The following CDH13 variants were observed in gnomAD, a reference collection of about 807,000 sequenced individuals.
CDH13 encodes the protein cadherin-13.
In CDH13, 24 loss-of-function variants were observed where a neutral mutation model predicts 63.8. That is an observed-to-expected ratio of 0.38 (90% CI 0.27 to 0.53). The LOEUF (loss-of-function observed/expected upper bound fraction) is 0.53, where lower values mean the gene tolerates loss of function less well. Ranked by LOEUF, CDH13 falls within the 20% of genes least tolerant of loss-of-function variation. CDH13 has a pLI of 0.85. For missense variants in CDH13, 1,049 were observed against 903.1 expected (o/e 1.16, Z -2.07); for synonymous variants, 503 against 355.3 (o/e 1.42, Z -4.67).
intron 5 of CDH13, among the ~76,000 whole-genome samples, chr16:83,232,545 C>CAAAA (rs371820662): frequency 0.012 from 1,250 of 107,534 alleles, 28 homozygotes; most frequent in African/African-American, 0.044. Flanking sequence ...ACAACAACAA[C>CAAAA]AAACAAACAA....
At chr16:83,200,066 A>C (rs1481861693) in intron 4 of CDH13, among the ~76,000 whole-genome samples, 2 of 152,178 alleles carry the variant, frequency 1.3e-5, no homozygotes, top group Admixed American at 6.5e-5. Flanking sequence ...ACAGCGCCTC[A>C]TTCCTTACCT....
At chr16:83,000,734 C>A (rs2151422553) in intron 2 of CDH13, among the ~76,000 whole-genome samples, 1 of 152,114 alleles carries the variant, frequency 6.6e-6, no homozygotes, top group East Asian at 1.9e-4. Context: ...TACCCGCCAC[C>A]ATGCCCGGCT....
intron 8 of CDH13, among the ~76,000 whole-genome samples, chr16:83,619,514 A>G (rs768517773): frequency 1.3e-5 from 2 of 152,248 alleles, no homozygotes; most frequent in Non-Finnish European, 2.9e-5. Flanking sequence ...AGAGCAAGGC[A>G]CTGGCAGGGT....
At chr16:83,530,214 A>G (rs552050190) in intron 7 of CDH13, among the ~76,000 whole-genome samples, 6 of 152,330 alleles carry the variant, frequency 3.9e-5, no homozygotes, top group African/African-American at 1.2e-4. Flanking sequence ...AATGCTTTCA[A>G]TTAAAGCTTA....
intron 1 of CDH13, among the ~76,000 whole-genome samples, chr16:82,685,070 T>G (rs886909316): frequency 6.6e-6 from 1 of 152,166 alleles, no homozygotes; most frequent in Non-Finnish European, 1.5e-5. Context: ...AATAACTCAG[T>G]GCGCAGACAT....
chr16:83,052,921 G>T (rs571866296), intron 3 of CDH13, among the ~76,000 whole-genome samples: 1 of 152,050 alleles, frequency 6.6e-6, no homozygotes, highest in Non-Finnish European at 1.5e-5. Context: ...TACAGATTGG[G>T]CCAAAGCCTA....
At chr16:83,710,257 G>A (rs1907816534) in intron 10 of CDH13, 1 of 152,134 alleles carries the variant, frequency 6.6e-6, no homozygotes. Context: ...AGAAATCCTG[G>A]GCTGGAACAA....
At chr16:82,634,326 GGAA>G (rs1411848488) in intron 1 of CDH13, among the ~76,000 whole-genome samples, 3 of 152,224 alleles carry the variant, frequency 2.0e-5, no homozygotes, top group Non-Finnish European at 4.4e-5. Flanking sequence ...GTGTGCTGCA[GGAA>G]GAAGGTGGTG....
chr16:82,792,914 C>T (rs573045942), intron 1 of CDH13, among the ~76,000 whole-genome samples: 3 of 139,344 alleles, frequency 2.2e-5, no homozygotes, highest in East Asian at 4.0e-4. Flanking sequence ...CCCAAAGGCA[C>T]CCATGGGCTT....
intron 4 of CDH13, among the ~76,000 whole-genome samples, chr16:83,191,049 T>C (rs1229478734): frequency 2.6e-5 from 4 of 151,742 alleles, no homozygotes; most frequent in Non-Finnish European, 5.9e-5. Flanking sequence ...ATGTAGTGAT[T>C]CCGAGCAAAG....
rs112781895 is a variant in CDH13 at position 82,985,158 on chromosome 16, C to T, written c.158-46852C>T. 2.0e-5 allele frequency among the ~76,000 whole-genome samples: 3 copies of T among 151,500 alleles called. No homozygotes were observed. The South Asian group carries it at 6.2e-4, about 31-fold the overall frequency. ...TTGAAAAGGAATCCTTACAGAAATACATTACTTTAATCCTAATGTATTTTG... is the reference window on the plus strand; with the variant it reads ...TTGAAAAGGAATCCTTACAGAAATATATTACTTTAATCCTAATGTATTTTG... On this transcript the variant is annotated intron_variant, in intron 2 of 13. Transcript: ENST00000567109.
chr16:83,730,328 A>G (rs1316875584), intron 10 of CDH13, among the ~76,000 whole-genome samples: 1 of 152,212 alleles, frequency 6.6e-6, no homozygotes, highest in African/African-American at 2.4e-5. Context: ...ATTTGATGTT[A>G]TTAACCTGGC....
At chr16:82,716,460 G>C (rs760609481) in intron 1 of CDH13, among the ~76,000 whole-genome samples, 12 of 151,548 alleles carry the variant, frequency 7.9e-5, no homozygotes, top group Non-Finnish European at 1.8e-4. Context: ...GTCACAAATA[G>C]AGCCAAAAGA....
At chr16:82,907,657 C>T (rs186826910) in intron 2 of CDH13, among the ~76,000 whole-genome samples, 55 of 152,300 alleles carry the variant, frequency 3.6e-4, no homozygotes, top group African/African-American at 1.3e-3. Flanking sequence ...TGTTGCCTCA[C>T]ATTGATTTTC....
At chr16:82,869,879 A>G (rs897367349) in intron 2 of CDH13, among the ~76,000 whole-genome samples, 5 of 152,216 alleles carry the variant, frequency 3.3e-5, no homozygotes, top group African/African-American at 7.2e-5. Flanking sequence ...TGAAACGACT[A>G]CATGAAAACA....
chr16:83,121,582 C>T (rs967596043), intron 3 of CDH13, among the ~76,000 whole-genome samples: 2 of 152,164 alleles, frequency 1.3e-5, no homozygotes, highest in African/African-American at 4.8e-5. Flanking sequence ...TTCACAGTTG[C>T]CTTATTGGTC....
chr16:83,596,108 G>T, intron 7 of CDH13, among the ~76,000 whole-genome samples: 1 of 152,184 alleles, frequency 6.6e-6, no homozygotes, highest in East Asian at 1.9e-4. Context: ...TGAGGCCCAG[G>T]GAGAATACAA....
intron 6 of CDH13, among the ~76,000 whole-genome samples, chr16:83,457,744 C>T (rs190470553): frequency 2.6e-5 from 4 of 152,166 alleles, no homozygotes; most frequent in East Asian, 1.9e-4. Context: ...CAGGCCAGGC[C>T]GAGCCAAGCC....
At chr16:82,808,035 G>A (rs72805981) in intron 1 of CDH13, among the ~76,000 whole-genome samples, 1 of 152,162 alleles carries the variant, frequency 6.6e-6, no homozygotes, top group Non-Finnish European at 1.5e-5. Flanking sequence ...CTCTAGGCAA[G>A]GGGCAAAATG....
Sources: gnomAD v4.1 joint callset for allele counts (sites outside exome capture counted in the v4.1 genomes callset) on GRCh38, gnomAD v4.1.1 for gene constraint, MANE v1.5 for transcripts, NCBI Gene and HGNC (gene_info 2026-07-23, HGNC 2026-07-21) for gene names.